The following DOCK5 variants were observed in gnomAD, a reference collection of about 807,000 sequenced individuals.
DOCK5 encodes the protein dedicator of cytokinesis 5, also known as dedicator of cytokinesis protein 5.
DOCK5 carries 142 observed loss-of-function variants against 251.8 expected under a neutral mutation model. The observed-to-expected ratio is 0.56, with a 90% CI of 0.49 to 0.65. The LOEUF (loss-of-function observed/expected upper bound fraction) is 0.65, where lower values mean the gene tolerates loss of function less well. Ranked by LOEUF, DOCK5 falls within the 30% of genes least tolerant of loss-of-function variation. DOCK5 has a pLI of 0.00. For synonymous variants in DOCK5, 842 were observed against 835.5 expected (o/e 1.01, Z -0.13); for missense variants, 2,111 against 2,312.3 (o/e 0.91, Z 1.79).
chr8:25,309,996 C>T (rs1178903284), intron 12 of DOCK5, among the ~76,000 whole-genome samples: 2 of 151,968 alleles, frequency 1.3e-5, no homozygotes, highest in Admixed American at 1.3e-4. Flanking sequence ...AGAAAATAAT[C>T]CCAGCATATT....
At chr8:25,303,285 C>A (rs908944283) in intron 10 of DOCK5, among the ~76,000 whole-genome samples, 1 of 152,224 alleles carries the variant, frequency 6.6e-6, no homozygotes, top group Non-Finnish European at 1.5e-5. Context: ...TAGTGCCCAA[C>A]ACTGTGTCTT....
intron 2 of DOCK5, among the ~76,000 whole-genome samples, chr8:25,248,641 C>T (rs1194417945): frequency 6.6e-6 from 1 of 152,058 alleles, no homozygotes; most frequent in Admixed American, 6.6e-5. Context: ...GGACAGAATA[C>T]TATTTTTGAT....
At chr8:25,356,106 G>C (rs1290062108) in intron 27 of DOCK5, among the ~76,000 whole-genome samples, 1 of 151,870 alleles carries the variant, frequency 6.6e-6, no homozygotes, top group Non-Finnish European at 1.5e-5. Flanking sequence ...GGCTGAGGCA[G>C]GGGGAATCAC....
intron 11 of DOCK5, among the ~76,000 whole-genome samples, chr8:25,308,389 A>C (rs759002902): frequency 4.6e-5 from 7 of 152,076 alleles, no homozygotes; most frequent in Non-Finnish European, 1.0e-4. Context: ...CTGAGGCCCA[A>C]AGGGAGCCTC....
chr8:25,240,662 G>A (rs1308434444), intron 1 of DOCK5, among the ~76,000 whole-genome samples: 1 of 152,132 alleles, frequency 6.6e-6, no homozygotes, highest in Non-Finnish European at 1.5e-5. Flanking sequence ...TTGCTGCATA[G>A]TATTCCATTG....
At chr8:25,343,137 TACAGGTGTACATC>T (rs1360906536) in intron 25 of DOCK5, among the ~76,000 whole-genome samples, 4 of 151,990 alleles carry the variant, frequency 2.6e-5, no homozygotes, top group Non-Finnish European at 4.4e-5. Flanking sequence ...TAGCTGGGAT[TACAGGTGTACATC>T]ACCACACCCA....
At chr8:25,401,115 C>A in intron 47 of DOCK5, 49 bp downstream of exon 47, 2 of 1,598,988 alleles carry the variant, frequency 1.3e-6, no homozygotes, top group South Asian at 1.1e-5. Context: ...GCTCTGTGAC[C>A]TTTTATGACA....
intron 48 of DOCK5, among the ~76,000 whole-genome samples, chr8:25,407,238 C>T (rs1201036716): frequency 1.3e-5 from 2 of 151,802 alleles, no homozygotes; most frequent in South Asian, 4.2e-4. Context: ...TTCTAGATTA[C>T]TTCTAGAATC....
intron 37 of DOCK5, chr8:25,375,012 T>C (rs1800939981): frequency 4.5e-6 from 5 of 1,105,562 alleles, no homozygotes; most frequent in Non-Finnish European, 5.6e-6. Flanking sequence ...ATAGAAGTAC[T>C]CTATTTTTAT....
chr8:25,331,710 G>A (rs1392598390), intron 18 of DOCK5, among the ~76,000 whole-genome samples: 1 of 150,752 alleles, frequency 6.6e-6, no homozygotes, highest in Non-Finnish European at 1.5e-5. Flanking sequence ...ACTTCACAAA[G>A]CCTCAGTTTC....
At chr8:25,408,418 C>A (rs1801561263) in intron 49 of DOCK5, among the ~76,000 whole-genome samples, 1 of 152,294 alleles carries the variant, frequency 6.6e-6, no homozygotes, top group South Asian at 2.1e-4. Context: ...GTCGTTCTTG[C>A]CACTCTGTCC....
chr8:25,380,368 G>T lies in DOCK5; in HGVS notation c.4000G>T (p.Asp1334Tyr). 1.9e-6 allele frequency: 3 copies of T among 1,610,736 alleles called. No individual in the cohort carries two copies. Among genetic ancestry groups the T allele is most frequent in the Non-Finnish European group, 2.5e-6 (3 of 1,178,420 alleles). Residue 1334 changes from aspartate (D) to tyrosine (Y), a missense_variant, in exon 39 of 52, where the codon GAC becomes TAC. Physicochemically the swap from Asp to Tyr is radical, Grantham distance 160. Transcript: ENST00000276440. Reference sequence around the variant, plus strand: ...TGAGACTTACGAAAGCAAAGTATTTGACTACGAGGGCCTTGGCAACCTCCT... The same window carrying T: ...TGAGACTTACGAAAGCAAAGTATTTTACTACGAGGGCCTTGGCAACCTCCT... The part of the protein sequence containing the change: ...LAETYESKVF[D>Y]YEGLGNLLKK...
intron 11 of DOCK5, among the ~76,000 whole-genome samples, chr8:25,306,270 A>G (rs1804922080): frequency 6.6e-6 from 1 of 152,238 alleles, no homozygotes; most frequent in Non-Finnish European, 1.5e-5. Context: ...TATGTAGCAC[A>G]GTGCTAAAGT....
chr8:25,202,747 T>C (rs1011169637), intron 1 of DOCK5, among the ~76,000 whole-genome samples: 8 of 152,116 alleles, frequency 5.3e-5, no homozygotes, highest in Admixed American at 2.6e-4. Flanking sequence ...CAGTAAGAGG[T>C]TATCAACAAT....
intron 33 of DOCK5, among the ~76,000 whole-genome samples, 172 bp downstream of exon 33, chr8:25,368,897 A>G (rs980806215): frequency 2.0e-5 from 3 of 152,258 alleles, no homozygotes; most frequent in African/African-American, 4.8e-5. Flanking sequence ...AGACAGTGCA[A>G]CCCAGAGCCT....
At chr8:25,278,446 A>C (rs113187285) in intron 4 of DOCK5, 123 bp from the exon 5 acceptor site, 10 of 859,378 alleles carry the variant, frequency 1.2e-5, no homozygotes, top group African/African-American at 3.4e-5. Flanking sequence ...CCCCTGCACA[A>C]CTCCTGCCCC....
chr8:25,343,062 T>G (rs1800276536), intron 25 of DOCK5, among the ~76,000 whole-genome samples: 1 of 151,894 alleles, frequency 6.6e-6, no homozygotes, highest in South Asian at 2.1e-4. Context: ...TCTGTGGCAC[T>G]GTCTCTGCTC....
intron 2 of DOCK5, among the ~76,000 whole-genome samples, chr8:25,258,972 A>T (rs2117578951): frequency 6.6e-6 from 1 of 152,248 alleles, no homozygotes; most frequent in African/African-American, 2.4e-5. Context: ...TACAAAAATT[A>T]GCTGGGCTTG....
At position 25,237,390 on chromosome 8, in the gene DOCK5, TA is replaced by T. The variant is rs534487984; in HGVS notation, c.44-6277del. ...GTCTCAAAAAAATAAAAAATAAACA[TA>T]AAAAAAGAAATATTTATTACTTTCT... On this transcript the variant is annotated intron_variant, in intron 1 of 51. Transcript: ENST00000276440. Among the ~76,000 whole-genome samples, 208 of 152,050 alleles carry T rather than the reference TA, an allele frequency of 1.4e-3. 2 individuals are homozygous for T. Among genetic ancestry groups the T allele is most frequent in the African/African-American group, 4.7e-3 (196 of 41,482 alleles).
Sources: gnomAD v4.1 joint callset for allele counts (sites outside exome capture counted in the v4.1 genomes callset) on GRCh38, gnomAD v4.1.1 for gene constraint, MANE v1.5 for transcripts, NCBI Gene and HGNC (gene_info 2026-07-23, HGNC 2026-07-21) for gene names.